IL36RN: variants seen among roughly 807,000 people sequenced by gnomAD.
IL36RN encodes interleukin-36 receptor antagonist protein.
Under a neutral mutation model 13.0 loss-of-function variants are expected in IL36RN, and 11 were observed. The ratio of observed to expected loss-of-function variants is 0.85; its 90% CI spans 0.53 to 1.40. The LOEUF is 1.40. Ranked by LOEUF, IL36RN falls within the 40% of genes most tolerant of loss-of-function variation. The pLI is 0.00. For missense variants in IL36RN, 195 were observed against 195.3 expected (o/e 1.00, Z 0.01); for synonymous variants, 94 against 84.1 (o/e 1.12, Z -0.64).
Position 113,062,229 on chromosome 2 carries a change from A to C in IL36RN, c.221A>C (p.Gln74Pro). ...CAGTGCCTGTCATGTGGGGTGGGGC[A>C]GGAGCCGACTCTAACACTAGAGGTG... Reference protein sequence around the residue: ...GSQCLSCGVGQEPTLTLEPVN... With the variant: ...GSQCLSCGVGPEPTLTLEPVN... Residue 74 changes from glutamine to proline, a missense_variant, in exon 4 of 5, where the codon CAG (glutamine) becomes CCG (proline). Coordinates refer to ENST00000393200, the MANE Select transcript of IL36RN (RefSeq NM_012275.3). 1 of 1,614,064 alleles carries C rather than the reference A, an allele frequency of 6.2e-7. No individual in the cohort carries two copies. The highest frequency in any genetic ancestry group is 8.5e-7 in the Non-Finnish European group (1 of 1,179,940).
rs1047310672 is a variant in IL36RN at position 113,062,465 on chromosome 2, A to T, written c.256A>T (p.Met86Leu). ...CCTCTGCCGGCAGCCAGTGAACATC[A>T]TGGAGCTCTATCTTGGTGCCAAGGA... ...PTLTLEPVNI[M>L]ELYLGAKESK... Residue 86 changes from methionine to leucine, a missense_variant, in exon 5 of 5, where the codon ATG (methionine) becomes TTG (leucine). Met to Leu is a conservative substitution (Grantham distance 15). Transcript: ENST00000393200. 3 of 1,613,808 alleles carry T rather than the reference A, an allele frequency of 1.9e-6. No individual in the cohort carries two copies. Among genetic ancestry groups the T allele is most frequent in the Non-Finnish European group, 2.5e-6 (3 of 1,179,960 alleles).
At position 113,060,957 on chromosome 2, in the gene IL36RN, C is replaced by T; in HGVS notation, c.115+20C>T. 6.3e-7 allele frequency: 1 copy of T among 1,587,274 alleles called. No homozygotes were observed. Among genetic ancestry groups the T allele is most frequent in the Non-Finnish European group, 8.7e-7 (1 of 1,155,552 alleles). ...TTAAAGGTTGGTGATGAAACATGAC[C>T]CACTTTCCTTGGTCTCTATACACTC... is the stretch of plus-strand genomic sequence containing the variant. On this transcript the variant is annotated intron_variant, in intron 3 of 4. Transcript: ENST00000393200.
In IL36RN at chr2:113,062,500, C is replaced by T. The variant is rs1573387667; in HGVS notation, c.291C>T (p.Ser97=). Residue 97 remains serine, a synonymous_variant, in exon 5 of 5, where the codon AGC becomes AGT. Coordinates refer to ENST00000393200, the MANE Select transcript of IL36RN (RefSeq NM_012275.3). ...ATCTTGGTGCCAAGGAATCCAAGAGCTTCACCTTCTACCGGCGGGACATGG... is the reference window on the plus strand; with the variant it reads ...ATCTTGGTGCCAAGGAATCCAAGAGTTTCACCTTCTACCGGCGGGACATGG... ...ELYLGAKESK[S]FTFYRRDMGL... The T allele has an allele frequency of 1.2e-6, 2 of 1,614,048 alleles. No individual in the cohort carries two copies. The highest frequency in any genetic ancestry group is 1.3e-5 in the African/African-American group (1 of 74,912).
At position 113,062,489 on chromosome 2, in the gene IL36RN, G is replaced by T. The variant is rs772287603; in HGVS notation, c.280G>T (p.Glu94Ter). 4 of 1,613,946 alleles carry T rather than the reference G, an allele frequency of 2.5e-6. No individual in the cohort carries two copies. The highest frequency in any genetic ancestry group is 1.3e-5 in the African/African-American group (1 of 74,870). ...CATGGAGCTCTATCTTGGTGCCAAG[G>T]AATCCAAGAGCTTCACCTTCTACCG... is the stretch of plus-strand genomic sequence containing the variant. Reference protein sequence around the residue: ...NIMELYLGAKESKSFTFYRRD... With the variant: ...NIMELYLGAK The change falls in exon 5 of 5, where the codon GAA becomes TAA. Residue 94 changes from glutamate to a stop codon, truncating the protein, a stop_gained. Coordinates refer to ENST00000393200, the MANE Select transcript of IL36RN (RefSeq NM_012275.3). LOFTEE classifies it low-confidence loss of function (END_TRUNC).
In IL36RN at chr2:113,062,987, C is replaced by G. The variant is rs1306246839; in HGVS notation, c.*310C>G. ...GGGGGAGTGGTGGGAATCATTCCTG[C>G]TTAATGGTAACTGACCAGTGTTACC... On this transcript the variant is annotated 3_prime_UTR_variant, in exon 5 of 5. Coordinates refer to ENST00000393200, the MANE Select transcript of IL36RN (RefSeq NM_012275.3). The G allele has an allele frequency of 2.5e-6, 1 of 401,866 alleles. No individual in the cohort carries two copies. Among genetic ancestry groups the G allele is most frequent in the Non-Finnish European group, 4.7e-6 (1 of 211,274 alleles). The allele number at this position is 401,866 out of a possible 1,614,324, so 24.9% of individuals were successfully genotyped here. A position where few individuals can be genotyped will look rare whatever the true frequency, so the allele number is the denominator to read the frequency against.
chr2:113,059,616 T>A, intron 2 of IL36RN, 149 bp downstream of exon 2: 1 of 883,406 alleles, frequency 1.1e-6, no homozygotes, highest in Non-Finnish European at 1.8e-6. Context: ...GCTCTTAGAG[T>A]TTTCCCAGCC....
chr2:113,064,448 C>T lies in IL36RN; in HGVS notation c.*1771C>T, dbSNP rs1028813507. The T allele has an allele frequency of 1.3e-5, 2 of 152,336 alleles. No homozygotes were observed. The highest frequency in any genetic ancestry group is 3.4e-3 in the Middle Eastern group (1 of 294). The allele number at this position is 152,336 out of a possible 1,614,324, so 9.4% of individuals were successfully genotyped here. ...ATATGGCAGAAGTGATGGCATGCCA[C>T]TTCCAAGATTAGGTTATAAAAGACA... On this transcript the variant is annotated 3_prime_UTR_variant, in exon 5 of 5. Coordinates refer to ENST00000393200, the MANE Select transcript of IL36RN (RefSeq NM_012275.3).
Position 113,062,236 on chromosome 2 carries a change from G to T in IL36RN, c.228G>T (p.Pro76=), listed in dbSNP as rs774906497. 1 of 1,614,108 alleles carries T rather than the reference G, an allele frequency of 6.2e-7. No homozygotes were observed. The highest frequency in any genetic ancestry group is 1.7e-5 in the Admixed American group (1 of 60,016). The part of the protein sequence containing the change: ...QCLSCGVGQE[P]TLTLEPVNIM... ...TGTCATGTGGGGTGGGGCAGGAGCC[G>T]ACTCTAACACTAGAGGTGAGACTTG... Residue 76 remains proline (P), a synonymous_variant, in exon 4 of 5, where the codon CCG becomes CCT. Transcript: ENST00000393200.
At position 113,062,475 on chromosome 2, in the gene IL36RN, A is replaced by G. The variant is rs1213179423; in HGVS notation, c.266A>G (p.Tyr89Cys). 3.1e-6 allele frequency: 5 copies of G among 1,613,962 alleles called. No individual in the cohort carries two copies. The highest frequency in any genetic ancestry group is 2.2e-5 in the East Asian group (1 of 44,864). ...TLEPVNIMELYLGAKESKSFT... is the reference protein window; with the variant it reads ...TLEPVNIMELCLGAKESKSFT... The stretch of plus-strand genomic sequence containing the variant: ...CAGCCAGTGAACATCATGGAGCTCT[A>G]TCTTGGTGCCAAGGAATCCAAGAGC... Residue 89 changes from tyrosine (Y) to cysteine (C), a missense_variant, in exon 5 of 5, where the codon TAT becomes TGT. By Grantham distance (194) the Tyr-to-Cys change is radical (BLOSUM62 -2). Transcript: ENST00000393200.
chr2:113,062,645 A>G lies in IL36RN; in HGVS notation c.436A>G (p.Ile146Val), dbSNP rs202059991. The change falls in exon 5 of 5, where the codon ATC becomes GTC. Residue 146 changes from isoleucine (I) to valine (V), a missense_variant. By Grantham distance (29) the Ile-to-Val change is conservative (BLOSUM62 3). Transcript: ENST00000393200. Reference protein sequence around the residue: ...LPENGGWNAPITDFYFQQCD With the variant: ...LPENGGWNAPVTDFYFQQCD ...CGAGAATGGTGGCTGGAATGCCCCC[A>G]TCACAGACTTCTACTTCCAGCAGTG... 126 of 1,612,534 alleles carry G rather than the reference A, an allele frequency of 7.8e-5. No individual in the cohort carries two copies. The highest frequency in any genetic ancestry group is 3.4e-5 in the Non-Finnish European group (40 of 1,180,004).
Position 113,060,740 on chromosome 2 carries a change from T to C in IL36RN, c.30-112T>C, listed in dbSNP as rs555820267. ...GGCTGTGCTGTTACTTCTGGCACAG[T>C]AGGAAGAAAGAGAGACAAAATGCCT... is the stretch of plus-strand genomic sequence containing the variant. On this transcript the variant is annotated intron_variant, in intron 2 of 4. Coordinates refer to ENST00000393200, the MANE Select transcript of IL36RN (RefSeq NM_012275.3). The C allele has an allele frequency of 4.8e-5, 37 of 774,898 alleles. No homozygotes were observed. In the African/African-American group the frequency reaches 6.0e-4, roughly 13 times the overall value. The allele number at this position is 774,898 out of a possible 1,614,324, so 48.0% of individuals were successfully genotyped here.
upstream of IL36RN, chr2:113,058,778 A>G: frequency 6.6e-6 from 1 of 151,984 alleles, no homozygotes; most frequent in Admixed American, 6.6e-5. Flanking sequence ...GGAAGGGAGG[A>G]AATGGGAAGG....
Position 113,060,978 on chromosome 2 carries a change from C to CA in IL36RN, c.115+42dup, listed in dbSNP as rs1027603470. ...TGACCCACTTTCCTTGGTCTCTATA[C>CA]ACTCTCAGGGGAGGGGGCCTGAAGA... is the stretch of plus-strand genomic sequence containing the variant. On this transcript the variant is annotated intron_variant, in intron 3 of 4. Coordinates refer to ENST00000393200, the MANE Select transcript of IL36RN (RefSeq NM_012275.3). 2.1e-6 allele frequency: 3 copies of CA among 1,462,922 alleles called. No individual in the cohort carries two copies. In the African/African-American group the frequency reaches 4.2e-5, roughly 20 times the overall value. The allele number at this position is 1,462,922 out of a possible 1,614,324, so 90.6% of individuals were successfully genotyped here.
In IL36RN at chr2:113,062,489, G is replaced by A. The variant is rs772287603; in HGVS notation, c.280G>A (p.Glu94Lys). ...NIMELYLGAK[E>K]SKSFTFYRRD... ...CATGGAGCTCTATCTTGGTGCCAAG[G>A]AATCCAAGAGCTTCACCTTCTACCG... Residue 94 changes from glutamate to lysine, a missense_variant, in exon 5 of 5, where the codon GAA becomes AAA. By Grantham distance (56) the Glu-to-Lys change is moderately conservative. Transcript: ENST00000393200. 2.5e-6 allele frequency: 4 copies of A among 1,614,064 alleles called. No individual in the cohort carries two copies. The highest frequency in any genetic ancestry group is 3.4e-6 in the Non-Finnish European group (4 of 1,180,014).
At position 113,062,910 on chromosome 2, in the gene IL36RN, C is replaced by T. The variant is rs1432606880; in HGVS notation, c.*233C>T. On this transcript the variant is annotated 3_prime_UTR_variant, in exon 5 of 5. Coordinates refer to ENST00000393200, the MANE Select transcript of IL36RN (RefSeq NM_012275.3). ...CTACTGCTGTGGAATCTTGTAAAAA[C>T]CATGTGGGGTAAACTGGGAATAACA... 3.7e-5 allele frequency: 21 copies of T among 568,294 alleles called. No individual in the cohort carries two copies. Among genetic ancestry groups the T allele is most frequent in the Middle Eastern group, 4.7e-4 (1 of 2,122 alleles). 35.2% of individuals were successfully genotyped at this position (568,294 alleles called of 1,614,324 possible).
rs752880718 is a variant in IL36RN at position 113,059,467 on chromosome 2, G to A, written c.29G>A (p.Arg10Gln). MVLSGALCF[R>Q]MKDSALKVLY... ...GTCCTGAGTGGGGCGCTGTGCTTCCGGTGAGTGTATGAGGCCCTGGTTTGG... is the reference window on the plus strand; with the variant it reads ...GTCCTGAGTGGGGCGCTGTGCTTCCAGTGAGTGTATGAGGCCCTGGTTTGG... Residue 10 changes from arginine to glutamine, a missense_variant and splice_region_variant, in exon 2 of 5, where the codon CGA becomes CAA. Physicochemically the swap from Arg to Gln is conservative, Grantham distance 43. Coordinates refer to ENST00000393200, the MANE Select transcript of IL36RN (RefSeq NM_012275.3). 1.4e-5 allele frequency: 22 copies of A among 1,613,742 alleles called. No homozygotes were observed. The highest frequency in any genetic ancestry group is 6.6e-5 in the South Asian group (6 of 91,066).
At chr2:113,060,827 T>TGA in intron 2 of IL36RN, 25 bp from the exon 3 acceptor site, 1 of 1,572,512 alleles carries the variant, frequency 6.4e-7, no homozygotes, top group African/African-American at 1.3e-5. Context: ...CCTAATGTAG[T>TGA]CCTCACCCCT....
chr2:113,060,796 T>G, intron 2 of IL36RN, 56 bp from the exon 3 acceptor site: 1 of 1,252,624 alleles, frequency 8.0e-7, no homozygotes, highest in Admixed American at 1.7e-5. Flanking sequence ...ATCCAGGGCA[T>G]GCTGGAGTGT....
At chr2:113,059,169 T>C (rs1685587751), upstream of IL36RN, 2 of 544,856 alleles carry the variant, frequency 3.7e-6, no homozygotes, top group Non-Finnish European at 6.6e-6. Context: ...TAGGCCTTAC[T>C]TAAAAGGCTG....
Sources: gnomAD v4.1 joint callset for allele counts on GRCh38, gnomAD v4.1.1 for gene constraint, MANE v1.5 for transcripts, NCBI Gene and HGNC (gene_info 2026-07-23, HGNC 2026-07-21) for gene names.